CHRM5: variants seen among roughly 807,000 people sequenced by gnomAD.
The protein encoded by CHRM5 is cholinergic receptor muscarinic 5, also known as muscarinic acetylcholine receptor M5.
Under a neutral mutation model 39.0 loss-of-function variants are expected in CHRM5, and 18 were observed. That is an observed-to-expected ratio of 0.46 (90% CI 0.32 to 0.68). CHRM5 has a LOEUF of 0.68. Ranked by LOEUF, CHRM5 falls within the 30% of genes least tolerant of loss-of-function variation. CHRM5 has a pLI of 0.04. For missense variants in CHRM5, 515 were observed against 651.1 expected (o/e 0.79, Z 2.28); for synonymous variants, 241 against 246.3 (o/e 0.98, Z 0.20).
intron 1 of CHRM5, among the ~76,000 whole-genome samples, chr15:34,020,507 G>A (rs1158484683): frequency 6.6e-6 from 1 of 152,128 alleles, no homozygotes; most frequent in African/African-American, 2.4e-5. Flanking sequence ...ACCTATCCTT[G>A]TTAACTAAAG....
intron 1 of CHRM5, among the ~76,000 whole-genome samples, chr15:34,034,806 C>G (rs754700721): frequency 1.2e-4 from 19 of 152,158 alleles, no homozygotes; most frequent in Non-Finnish European, 2.8e-4. Context: ...CATGGATTAC[C>G]AAGAACTAAT....
At chr15:34,024,767 A>G (rs895711570) in intron 1 of CHRM5, among the ~76,000 whole-genome samples, 1 of 151,466 alleles carries the variant, frequency 6.6e-6, no homozygotes, top group East Asian at 1.9e-4. Context: ...AGGCTGAGGC[A>G]GGAGAATAGC....
intron 1 of CHRM5, among the ~76,000 whole-genome samples, chr15:34,001,765 C>T (rs1271362819): frequency 6.6e-6 from 1 of 152,156 alleles, no homozygotes; most frequent in African/African-American, 2.4e-5. Flanking sequence ...CTTTCCTGCT[C>T]GGAAAAGCAC....
chr15:33,991,250 TA>T (rs1262073581), intron 1 of CHRM5: 1 of 152,160 alleles, frequency 6.6e-6, no homozygotes, highest in Non-Finnish European at 1.5e-5. Context: ...AACCCTGGTA[TA>T]AAAATACAGA....
intron 1 of CHRM5, among the ~76,000 whole-genome samples, chr15:33,971,394 A>G (rs1472375958): frequency 6.6e-6 from 1 of 152,066 alleles, no homozygotes; most frequent in Non-Finnish European, 1.5e-5. Flanking sequence ...AATAATACCT[A>G]TTGCTATATC....
chr15:34,007,405 T>G (rs1214473541), intron 1 of CHRM5, among the ~76,000 whole-genome samples: 1 of 152,220 alleles, frequency 6.6e-6, no homozygotes, highest in Non-Finnish European at 1.5e-5. Flanking sequence ...ATTAGAACTG[T>G]ACAGAACATA....
At chr15:34,031,966 G>A (rs1347096624) in intron 1 of CHRM5, among the ~76,000 whole-genome samples, 1 of 151,186 alleles carries the variant, frequency 6.6e-6, no homozygotes, top group Admixed American at 6.6e-5. Context: ...CCATCCAAGA[G>A]AAAAAGTATT....
chr15:34,014,796 A>G (rs1897811065), intron 1 of CHRM5, among the ~76,000 whole-genome samples: 2 of 152,194 alleles, frequency 1.3e-5, no homozygotes, highest in South Asian at 4.1e-4. Flanking sequence ...AGGAGCTGAG[A>G]ATGTGGCCCC....
At chr15:33,993,192 C>A (rs962013494) in intron 1 of CHRM5, among the ~76,000 whole-genome samples, 1 of 152,280 alleles carries the variant, frequency 6.6e-6, no homozygotes, top group Non-Finnish European at 1.5e-5. Context: ...TCTCATAGAT[C>A]TTACTTTTTA....
At chr15:33,997,438 C>G (rs959420924) in intron 1 of CHRM5, among the ~76,000 whole-genome samples, 4 of 152,246 alleles carry the variant, frequency 2.6e-5, no homozygotes, top group Non-Finnish European at 5.9e-5. Flanking sequence ...GAAATGTAAA[C>G]TAAAAACTCC....
At chr15:33,989,111 T>C (rs187244844) in intron 1 of CHRM5, among the ~76,000 whole-genome samples, 448 of 152,218 alleles carry the variant, frequency 2.9e-3, no homozygotes, top group African/African-American at 0.01. Flanking sequence ...ACCTCTATAG[T>C]TGCAGAAGTT....
intron 1 of CHRM5, among the ~76,000 whole-genome samples, chr15:33,983,001 A>G (rs1251903756): frequency 1.3e-5 from 2 of 149,834 alleles, no homozygotes; most frequent in East Asian, 2.0e-4. Context: ...TCTTAACTGC[A>G]TGGACCATGA....
chr15:34,036,894 G>A (rs2140785957), intron 1 of CHRM5, among the ~76,000 whole-genome samples: 1 of 152,098 alleles, frequency 6.6e-6, no homozygotes, highest in East Asian at 1.9e-4. Context: ...TGGATCACCT[G>A]AGGTCAGGAG....
intron 1 of CHRM5, chr15:34,002,971 TATAAA>T: frequency 2.2e-6 from 3 of 1,384,996 alleles, no homozygotes; most frequent in Non-Finnish European, 3.0e-6. Flanking sequence ...TAAAAACATA[TATAAA>T]ATGTCTGTGC....
chr15:34,057,130 TG>T (rs909855959), intron 2 of CHRM5, among the ~76,000 whole-genome samples: 2 of 50,584 alleles, frequency 4.0e-5, no homozygotes, highest in Non-Finnish European at 2.0e-4. Context: ...AGAAGAGTTT[TG>T]GTTTTTTTTG....
chr15:33,994,122 A>G (rs540125260), intron 1 of CHRM5, among the ~76,000 whole-genome samples: 1 of 152,338 alleles, frequency 6.6e-6, no homozygotes, highest in South Asian at 2.1e-4. Flanking sequence ...ACCGGGCTGC[A>G]TAGCAGGAGG....
chr15:33,983,589 T>C (rs983864727), intron 1 of CHRM5, among the ~76,000 whole-genome samples: 3 of 152,112 alleles, frequency 2.0e-5, no homozygotes, highest in African/African-American at 7.2e-5. Flanking sequence ...AAAAACAGTA[T>C]CTTTGCATAG....
In CHRM5 at chr15:34,051,648, T is replaced by C. The variant is rs369567338; in HGVS notation, c.-76+4777T>C. Among the ~76,000 whole-genome samples the C allele has an allele frequency of 4.9e-4, 75 of 152,118 alleles. 1 individual carries two copies. The highest frequency in any genetic ancestry group is 1.8e-3 in the African/African-American group (73 of 41,518). ...ATCAAATAAACACAATCATAAATGATAAGGGAGAAATCACCATTGACCCCA... is the reference window on the plus strand; with the variant it reads ...ATCAAATAAACACAATCATAAATGACAAGGGAGAAATCACCATTGACCCCA... On this transcript the variant is annotated intron_variant, in intron 2 of 2. Transcript: ENST00000383263.
At chr15:33,972,810 A>G (rs1895699031) in intron 1 of CHRM5, among the ~76,000 whole-genome samples, 1 of 152,186 alleles carries the variant, frequency 6.6e-6, no homozygotes, top group African/African-American at 2.4e-5. Context: ...GATTAGTGGC[A>G]ATACCCTGAT....
Sources: allele counts gnomAD v4.1 joint callset (sites outside exome capture counted in the v4.1 genomes callset), GRCh38; gene constraint gnomAD v4.1.1; transcripts MANE v1.5; gene names NCBI Gene and HGNC (gene_info 2026-07-23, HGNC 2026-07-21).